GALNT18: variants seen among roughly 807,000 people sequenced by gnomAD.
The protein encoded by GALNT18 is GalNAc-transferase 18.
In GALNT18, 44 loss-of-function variants were observed where a neutral mutation model predicts 69.5. That is an observed-to-expected ratio of 0.63 (90% CI 0.50 to 0.81). The LOEUF is 0.81. GALNT18 is among the 40% of genes least tolerant of loss of function. GALNT18 has a pLI of 0.00. For missense variants in GALNT18, 715 were observed against 810.0 expected, an observed-to-expected ratio of 0.88 and a Z score of 1.42; for synonymous variants, 364 against 318.2, an observed-to-expected ratio of 1.14 and a Z score of -1.53.
At chr11:11,423,292 G>A (rs977308396) in intron 3 of GALNT18, among the ~76,000 whole-genome samples, 3 of 150,718 alleles carry the variant, frequency 2.0e-5, no homozygotes, top group African/African-American at 7.4e-5. Context: ...GTACACAAAC[G>A]TATGTGTGCA....
In GALNT18 at chr11:11,402,391, A is replaced by T. The variant is rs1157666599; in HGVS notation, c.596-23127T>A. Reference sequence around the variant, plus strand: ...TAATCCATGATGACAGCTTGTCTTCAATCATAAACTGCTTTTATCTTATTG... The same window carrying T: ...TAATCCATGATGACAGCTTGTCTTCTATCATAAACTGCTTTTATCTTATTG... On this transcript the variant is annotated intron_variant, in intron 3 of 10. Coordinates refer to ENST00000227756, the MANE Select transcript of GALNT18 (RefSeq NM_198516.3). The surrounding 1 kb of genome is among the most constrained non-coding windows in gnomAD (Gnocchi z 4.0). Among the ~76,000 whole-genome samples, 4 of 152,274 alleles carry T rather than the reference A, an allele frequency of 2.6e-5. No individual in the cohort carries two copies. Among genetic ancestry groups the T allele is most frequent in the African/African-American group, 9.6e-5 (4 of 41,476 alleles).
Position 11,455,474 on chromosome 11 carries a change from T to C in GALNT18, c.236-6538A>G, listed in dbSNP as rs180899624. 4.7e-3 allele frequency among the ~76,000 whole-genome samples: 716 copies of C among 152,108 alleles called. 4 individuals carry two copies. The highest frequency in any genetic ancestry group is 0.016 in the African/African-American group (671 of 41,508). ...AAAGATGCTTGAATTGAAGAATAAG[T>C]GCAATCCTCAAGCTCACTCCAGGGA... is the stretch of plus-strand genomic sequence containing the variant. On this transcript the variant is annotated intron_variant, in intron 1 of 10. Transcript: ENST00000227756.
At chr11:11,451,935 T>C (rs564045383) in intron 1 of GALNT18, among the ~76,000 whole-genome samples, 1 of 152,362 alleles carries the variant, frequency 6.6e-6, no homozygotes, top group African/African-American at 2.4e-5. Flanking sequence ...GGGCCACTAC[T>C]TGTCTTTGTA....
rs895767242 is a variant in GALNT18 at position 11,454,538 on chromosome 11, C to A, written c.236-5602G>T. 1.3e-5 allele frequency among the ~76,000 whole-genome samples: 2 copies of A among 151,852 alleles called. No homozygotes were observed. The highest frequency in any genetic ancestry group is 2.9e-5 in the Non-Finnish European group (2 of 67,970). ...TCTCTCTCTCTCTTTCAAATCTCAC[C>A]AAGTAAGGCTCAGAATCAAAAAGAT... On this transcript the variant is annotated intron_variant, in intron 1 of 10. Transcript: ENST00000227756. The surrounding 1 kb of genome is among the most constrained non-coding windows in gnomAD (Gnocchi z 4.2).
rs1024133248 is a variant in GALNT18, at chr11:11,396,364, G to A, written c.596-17100C>T. Reference sequence around the variant, plus strand: ...GAGAGAGTTTGCTTAGAGATTAAATGATGTCATCAGCAGTGGGGGGAGGAG... The same window carrying A: ...GAGAGAGTTTGCTTAGAGATTAAATAATGTCATCAGCAGTGGGGGGAGGAG... On this transcript the variant is annotated intron_variant, in intron 3 of 10. Coordinates refer to ENST00000227756, the MANE Select transcript of GALNT18 (RefSeq NM_198516.3). This position sits in a 1 kb window ranked among gnomAD's most constrained non-coding sequence, Gnocchi z 5.2. Among the ~76,000 whole-genome samples, 5 of 152,160 alleles carry A rather than the reference G, an allele frequency of 3.3e-5. No individual in the cohort carries two copies. The highest frequency in any genetic ancestry group is 9.7e-5 in the African/African-American group (4 of 41,442).
rs553905345 is a variant in GALNT18 at position 11,469,298 on chromosome 11, G to A, written c.236-20362C>T. Among the ~76,000 whole-genome samples, 1 of 152,360 alleles carries A rather than the reference G, an allele frequency of 6.6e-6. No individual in the cohort carries two copies. The highest frequency in any genetic ancestry group is 6.5e-5 in the Admixed American group (1 of 15,306). ...TCCCAGGGACTTCACAGAGGGAGCA[G>A]ATGAAAGGCATGGAGACAGCGCTGA... On this transcript the variant is annotated intron_variant, in intron 1 of 10. Coordinates refer to ENST00000227756, the MANE Select transcript of GALNT18 (RefSeq NM_198516.3). The surrounding 1 kb of genome is among the most constrained non-coding windows in gnomAD (Gnocchi z 4.2).
At position 11,389,143 on chromosome 11, in the gene GALNT18, T is replaced by C. The variant is rs527506190; in HGVS notation, c.596-9879A>G. ...AACGGCAAATGGGAAAAATCAAGGA[T>C]GAGAGACTTTAAAGAACATATTCCA... On this transcript the variant is annotated intron_variant, in intron 3 of 10. Coordinates refer to ENST00000227756, the MANE Select transcript of GALNT18 (RefSeq NM_198516.3). The surrounding 1 kb of genome is among the most constrained non-coding windows in gnomAD (Gnocchi z 4.3). 6.6e-6 allele frequency among the ~76,000 whole-genome samples: 1 copy of C among 152,268 alleles called. No individual in the cohort carries two copies. Among genetic ancestry groups the C allele is most frequent in the East Asian group, 1.9e-4 (1 of 5,170 alleles).
At chr11:11,346,777 A>C (rs991221048) in intron 6 of GALNT18, among the ~76,000 whole-genome samples, 5 of 152,192 alleles carry the variant, frequency 3.3e-5, no homozygotes, top group African/African-American at 1.2e-4. Context: ...GGCCCTTCCC[A>C]GAAAACCCTA....
chr11:11,271,009 A>C lies in GALNT18; in HGVS notation c.*135T>G. 1.5e-6 allele frequency: 1 copy of C among 647,842 alleles called. No homozygotes were observed. Among genetic ancestry groups the C allele is most frequent in the Non-Finnish European group, 2.5e-6 (1 of 397,966 alleles). The allele number at this position is 647,842 out of a possible 1,614,324, so 40.1% of individuals were successfully genotyped here. ...TCTATAAACTCCATGAAAATTGAATAGGAAATAAAAAGCTCTTCTTGGGGG... is the reference window on the plus strand; with the variant it reads ...TCTATAAACTCCATGAAAATTGAATCGGAAATAAAAAGCTCTTCTTGGGGG... On this transcript the variant is annotated 3_prime_UTR_variant, in exon 11 of 11. Transcript: ENST00000227756.
In GALNT18 at chr11:11,600,264, G is replaced by T. The variant is rs979687381; in HGVS notation, c.235+21095C>A. On this transcript the variant is annotated intron_variant, in intron 1 of 10. Coordinates refer to ENST00000227756, the MANE Select transcript of GALNT18 (RefSeq NM_198516.3). The surrounding 1 kb of genome is among the most constrained non-coding windows in gnomAD (Gnocchi z 4.8). ...TTCTGTGAATTTGAATTACTGTCCTGTGTGACTCACATTCAGCCTGAAGAA... is the reference window on the plus strand; with the variant it reads ...TTCTGTGAATTTGAATTACTGTCCTTTGTGACTCACATTCAGCCTGAAGAA... Among the ~76,000 whole-genome samples the T allele has an allele frequency of 1.3e-5, 2 of 152,028 alleles. No homozygotes were observed. The highest frequency in any genetic ancestry group is 4.8e-5 in the African/African-American group (2 of 41,418).
intron 10 of GALNT18, 152 bp downstream of exon 10, chr11:11,292,877 G>A (rs1251946121): frequency 1.7e-6 from 1 of 595,964 alleles, no homozygotes; most frequent in Admixed American, 4.2e-5. Context: ...GCAAATCCCT[G>A]AGAAGCAAAG....
rs983973103 is a variant in GALNT18 at position 11,379,819 on chromosome 11, C to T, written c.596-555G>A. Reference sequence around the variant, plus strand: ...CCAGGAGCTGTGCCCATGTGAGTAGCTGGTGTTGGTTTGCTGCCTGTGGTC... The same window carrying T: ...CCAGGAGCTGTGCCCATGTGAGTAGTTGGTGTTGGTTTGCTGCCTGTGGTC... On this transcript the variant is annotated intron_variant, in intron 3 of 10. Transcript: ENST00000227756. Among the ~76,000 whole-genome samples the T allele has an allele frequency of 6.4e-4, 97 of 152,348 alleles. 2 individuals carry two copies. Among genetic ancestry groups the T allele is most frequent in the African/African-American group, 2.2e-3 (90 of 41,586 alleles).
In GALNT18 at chr11:11,315,028, T is replaced by C. The variant is rs1342423960; in HGVS notation, c.1512+12058A>G. ...AAAGTGTCTAGCAGAGATGGACACA[T>C]ACTAATTATATGTGTGTGTGTGTGT... On this transcript the variant is annotated intron_variant, in intron 9 of 10. Coordinates refer to ENST00000227756, the MANE Select transcript of GALNT18 (RefSeq NM_198516.3). This position sits in a 1 kb window ranked among gnomAD's most constrained non-coding sequence, Gnocchi z 5.6. 1.4e-5 allele frequency among the ~76,000 whole-genome samples: 2 copies of C among 142,976 alleles called. No homozygotes were observed. The highest frequency in any genetic ancestry group is 5.2e-5 in the African/African-American group (2 of 38,128). 93.8% of individuals were successfully genotyped at this position (142,976 alleles called of 152,430 possible).
At chr11:11,576,015 G>A (rs1035967996) in intron 1 of GALNT18, among the ~76,000 whole-genome samples, 1 of 152,204 alleles carries the variant, frequency 6.6e-6, no homozygotes, top group Non-Finnish European at 1.5e-5. Context: ...TCAGAGAGGT[G>A]CAGCAACAAA....
At chr11:11,305,748 AC>A (rs561626763) in intron 9 of GALNT18, among the ~76,000 whole-genome samples, 316 of 152,164 alleles carry the variant, frequency 2.1e-3, no homozygotes, top group South Asian at 7.1e-3. Flanking sequence ...AACAGCAGTC[AC>A]CCCCTTTAGA....
intron 9 of GALNT18, among the ~76,000 whole-genome samples, chr11:11,316,308 G>T (rs1269225939): frequency 6.6e-6 from 1 of 152,090 alleles, no homozygotes; most frequent in Non-Finnish European, 1.5e-5. Context: ...GGAGAAATTT[G>T]CCAAAGGCCA....
intron 3 of GALNT18, among the ~76,000 whole-genome samples, chr11:11,385,465 T>C (rs902277142): frequency 5.3e-5 from 8 of 152,032 alleles, no homozygotes; most frequent in African/African-American, 1.9e-4. Context: ...CCGGCTAATT[T>C]TTTGTATTTT....
In GALNT18 at chr11:11,590,078, G is replaced by A. The variant is rs1353508513; in HGVS notation, c.235+31281C>T. ...ATTCAAATATGTAATAACCAATGCA[G>A]CATGGTCATGTGGCAGACACTGCTG... is the stretch of plus-strand genomic sequence containing the variant. On this transcript the variant is annotated intron_variant, in intron 1 of 10. Coordinates refer to ENST00000227756, the MANE Select transcript of GALNT18 (RefSeq NM_198516.3). This position sits in a 1 kb window ranked among gnomAD's most constrained non-coding sequence, Gnocchi z 4.4. Among the ~76,000 whole-genome samples the A allele has an allele frequency of 1.3e-5, 2 of 152,234 alleles. No individual in the cohort carries two copies. The highest frequency in any genetic ancestry group is 2.9e-5 in the Non-Finnish European group (2 of 68,042).
chr11:11,289,793 G>A (rs1276718942), intron 10 of GALNT18, among the ~76,000 whole-genome samples: 1 of 152,222 alleles, frequency 6.6e-6, no homozygotes, highest in Non-Finnish European at 1.5e-5. Flanking sequence ...CTGGGCTTCA[G>A]ATTCAGCCAG....
Sources: gnomAD v4.1 joint callset for allele counts (sites outside exome capture counted in the v4.1 genomes callset) on GRCh38, gnomAD v4.1.1 for gene constraint, Gnocchi (gnomAD v3.1) non-coding constraint, MANE v1.5 for transcripts, NCBI Gene and HGNC (gene_info 2026-07-23, HGNC 2026-07-21) for gene names.